Variants in PLCG2 observed in about 807,000 individuals in gnomAD.
The protein encoded by PLCG2 is 1-phosphatidylinositol 4,5-bisphosphate phosphodiesterase gamma-2.
PLCG2 carries 69 observed loss-of-function variants against 175.6 expected under a neutral mutation model. The observed-to-expected ratio is 0.39, with a 90% confidence interval of 0.32 to 0.48. The LOEUF (loss-of-function observed/expected upper bound fraction) is 0.48. Among genes scored for constraint, PLCG2 ranks in the 20% least tolerant of loss-of-function variants. The probability of loss-of-function intolerance (pLI) is 0.91; values close to 1 mark genes in which losing one functional copy is unlikely to be tolerated. For missense variants in PLCG2, 1,798 were observed against 1,650.9 expected (o/e 1.09, Z -1.54); for synonymous variants, 827 against 624.0 (o/e 1.33, Z -4.85).
intron 2 of PLCG2, among the ~76,000 whole-genome samples, chr16:81,763,566 C>G (rs1439534556): frequency 6.6e-6 from 1 of 152,368 alleles, no homozygotes; most frequent in Non-Finnish European, 1.5e-5. Context: ...GTCAGGGTAG[C>G]TGGTCTTCTA....
chr16:81,923,642 T>G (rs1239601799), intron 22 of PLCG2, 48 bp downstream of exon 22: 1 of 1,159,816 alleles, frequency 8.6e-7, no homozygotes, highest in African/African-American at 1.5e-5. Context: ...GCTTGACTTG[T>G]CCCTTCTTGG....
chr16:81,955,095 G>C (rs992069981), intron 31 of PLCG2, among the ~76,000 whole-genome samples: 4 of 152,168 alleles, frequency 2.6e-5, no homozygotes, highest in African/African-American at 9.7e-5. Context: ...TGCCTCACTT[G>C]ATACATTCAC....
chr16:81,787,008 A>G (rs1004434934), intron 2 of PLCG2, among the ~76,000 whole-genome samples: 8 of 152,228 alleles, frequency 5.3e-5, no homozygotes, highest in Non-Finnish European at 8.8e-5. Flanking sequence ...GAACTCTTGT[A>G]CACTTCTGCA....
At chr16:81,747,004 A>G (rs1909720252) in intron 1 of PLCG2, among the ~76,000 whole-genome samples, 1 of 152,202 alleles carries the variant, frequency 6.6e-6, no homozygotes, top group African/African-American at 2.4e-5. Flanking sequence ...AAGGTACACC[A>G]ACCACCTTGC....
In PLCG2 at chr16:81,889,403, AGCTG is replaced by A. The variant is rs1908527618; in HGVS notation, c.867+132_867+135del. 1.3e-5 allele frequency: 8 copies of A among 607,178 alleles called. No homozygotes were observed. In the Admixed American group the frequency reaches 2.5e-4, roughly 19 times the overall value. 37.6% of individuals were successfully genotyped at this position (607,178 alleles called of 1,614,324 possible). ...ATGATGTTGCCTCGACTGACTGGTT[AGCTG>A]GGATTGTTTCTTTTCTTTTCTTTTC... On this transcript the variant is annotated intron_variant, in intron 10 of 32. Coordinates refer to ENST00000564138, the MANE Select transcript of PLCG2 (RefSeq NM_002661.5).
At chr16:81,932,867 A>C (rs1225551657) in intron 25 of PLCG2, among the ~76,000 whole-genome samples, 1 of 152,230 alleles carries the variant, frequency 6.6e-6, no homozygotes, top group Non-Finnish European at 1.5e-5. Flanking sequence ...GCTTGTAGCC[A>C]GCTGCGCTGT....
intron 2 of PLCG2, among the ~76,000 whole-genome samples, chr16:81,812,245 T>A (rs1904351702): frequency 6.6e-6 from 1 of 151,924 alleles, no homozygotes; most frequent in African/African-American, 2.4e-5. Flanking sequence ...GAGACGAAGT[T>A]TCACCGTGTT....
chr16:81,789,954 A>G (rs78649754), intron 2 of PLCG2, among the ~76,000 whole-genome samples: 1,796 of 151,898 alleles, frequency 0.012, 19 homozygotes, highest in South Asian at 0.04. Context: ...CGTGGAGCCT[A>G]TATTGCTTTA....
At position 81,895,859 on chromosome 16, in the gene PLCG2, G is replaced by C. The variant is rs374233612; in HGVS notation, c.1125G>C (p.Thr375=). 4.3e-6 allele frequency: 7 copies of C among 1,614,108 alleles called. No individual in the cohort carries two copies. Among genetic ancestry groups the C allele is most frequent in the Non-Finnish European group, 5.9e-6 (7 of 1,179,980 alleles). The change falls in exon 13 of 33, where the codon ACG becomes ACC. Residue 375 remains threonine, a synonymous_variant. Transcript: ENST00000564138. The part of the protein sequence containing the change: ...DGKPVIYHGW[T]RTTKIKFDDV... ...AGCCGGTCATCTACCATGGCTGGACGCGGACTACCAAGATCAAGTTTGACG... is the reference window on the plus strand; with the variant it reads ...AGCCGGTCATCTACCATGGCTGGACCCGGACTACCAAGATCAAGTTTGACG...
intron 2 of PLCG2, among the ~76,000 whole-genome samples, chr16:81,819,444 G>T (rs925050763): frequency 2.0e-5 from 3 of 152,150 alleles, no homozygotes; most frequent in Non-Finnish European, 4.4e-5. Flanking sequence ...TTGGCTTGGG[G>T]CACCCAGGAA....
chr16:81,750,463 T>C (rs72831186), intron 1 of PLCG2, among the ~76,000 whole-genome samples: 3 of 151,308 alleles, frequency 2.0e-5, no homozygotes, highest in Non-Finnish European at 4.4e-5. Flanking sequence ...CAATCCCACT[T>C]CTGGATATTT....
In PLCG2 at chr16:81,932,272, G is replaced by C. The variant is rs940069972; in HGVS notation, c.2739+618G>C. ...TGCATCCTGGCAGGGCTGGACCCTGGGCAAGTAACCACACTTCTCTGGGCC... is the reference window on the plus strand; with the variant it reads ...TGCATCCTGGCAGGGCTGGACCCTGCGCAAGTAACCACACTTCTCTGGGCC... On this transcript the variant is annotated intron_variant, in intron 25 of 32. Coordinates refer to ENST00000564138, the MANE Select transcript of PLCG2 (RefSeq NM_002661.5). Among the ~76,000 whole-genome samples the C allele has an allele frequency of 3.9e-5, 6 of 152,236 alleles. No homozygotes were observed. In the East Asian group the frequency reaches 1.2e-3, roughly 29 times the overall value.
intron 1 of PLCG2, among the ~76,000 whole-genome samples, chr16:81,780,022 C>G (rs192143951): frequency 1.3e-5 from 2 of 152,180 alleles, no homozygotes; most frequent in South Asian, 2.1e-4. Context: ...GAGGGCATTA[C>G]CCGCACAGCG....
chr16:81,893,239 T>C (rs1213589924), intron 11 of PLCG2, among the ~76,000 whole-genome samples: 1 of 152,216 alleles, frequency 6.6e-6, no homozygotes, highest in Admixed American at 6.5e-5. Context: ...TACGGCAGTT[T>C]TGGTGGATAT....
At chr16:81,917,564 A>G (rs943843278) in intron 19 of PLCG2, among the ~76,000 whole-genome samples, 4 of 152,114 alleles carry the variant, frequency 2.6e-5, no homozygotes, top group Non-Finnish European at 5.9e-5. Context: ...CTTCTCCTTT[A>G]GCTAATAGCC....
chr16:81,837,476 G>T (rs937525946), intron 2 of PLCG2, among the ~76,000 whole-genome samples: 1 of 152,346 alleles, frequency 6.6e-6, no homozygotes, highest in East Asian at 1.9e-4. Flanking sequence ...CCTGGCAGAA[G>T]GCGGAGCCCA....
intron 1 of PLCG2, among the ~76,000 whole-genome samples, chr16:81,785,496 A>ATTTTTTTTTTTTTT (rs10555890): frequency 6.8e-6 from 1 of 147,450 alleles, no homozygotes. Flanking sequence ...CGTTTATTTC[A>ATTTTTTTTTTTTTT]TTTTTTTTTT....
chr16:81,904,162 T>C (rs11860342), intron 14 of PLCG2, among the ~76,000 whole-genome samples: 21,325 of 152,192 alleles, frequency 0.14, 2,596 homozygotes, highest in African/African-American at 0.33. Context: ...GCCTGTATCA[T>C]GCTGCCATTC....
At chr16:81,825,358 A>C (rs1905004524) in intron 2 of PLCG2, among the ~76,000 whole-genome samples, 1 of 146,136 alleles carries the variant, frequency 6.8e-6, no homozygotes, top group Non-Finnish European at 1.5e-5. Flanking sequence ...GCATGATCAC[A>C]GCTCACTGCA....
Sources: gnomAD v4.1 joint callset for allele counts (sites outside exome capture counted in the v4.1 genomes callset) on GRCh38, gnomAD v4.1.1 for gene constraint, MANE v1.5 for transcripts, NCBI Gene and HGNC (gene_info 2026-07-23, HGNC 2026-07-21) for gene names.